The following KIF26A variants were observed in gnomAD, a reference collection of about 807,000 sequenced individuals.
KIF26A encodes kinesin-like protein KIF26A.
KIF26A carries 74 observed loss-of-function variants against 126.0 expected under a neutral mutation model. The observed-to-expected ratio is 0.59, with a 90% CI of 0.49 to 0.71. The LOEUF (loss-of-function observed/expected upper bound fraction) is 0.71, where lower values mean the gene tolerates loss of function less well. Ranked by LOEUF, KIF26A falls within the 30% of genes least tolerant of loss-of-function variation. The pLI, the probability that KIF26A is intolerant of heterozygous loss-of-function variation, is 0.00. For synonymous variants in KIF26A, 1,445 were observed against 1,232.7 expected (o/e 1.17, Z -3.61); for missense variants, 2,984 against 2,763.3 (o/e 1.08, Z -1.79).
At position 104,177,520 on chromosome 14, in the gene KIF26A, C is replaced by T. The variant is rs769814824; in HGVS notation, c.4732C>T (p.Arg1578Ter). 15 of 1,535,862 alleles carry T rather than the reference C, an allele frequency of 9.8e-6. No homozygotes were observed. Among genetic ancestry groups the T allele is most frequent in the East Asian group, 4.9e-5 (2 of 40,956 alleles). The change falls in exon 12 of 15, where the codon CGA (arginine) becomes TGA (stop). Residue 1578 changes from arginine (R) to a stop codon, truncating the protein, a stop_gained. Transcript: ENST00000423312. LOFTEE classifies it high-confidence loss of function. The stretch of plus-strand genomic sequence containing the variant: ...GCTGTCAGCCAGTGGAGCCCCGGGC[C>T]GAGGTGGCTCCTCGTGGGGCTCGGC... ...HELSASGAPG[R>*]GGSSWGSADS...
Position 104,177,289 on chromosome 14 carries a change from C to T in KIF26A, c.4501C>T (p.Arg1501Cys), listed in dbSNP as rs547130554. 4.6e-5 allele frequency: 73 copies of T among 1,582,724 alleles called. No individual in the cohort carries two copies. Among genetic ancestry groups the T allele is most frequent in the Non-Finnish European group, 5.6e-5 (65 of 1,167,812 alleles). The change falls in exon 12 of 15, where the codon CGT becomes TGT. Residue 1501 changes from arginine (R) to cysteine (C), a missense_variant. Transcript: ENST00000423312. ...GCCCCCTGTTGGTGGAGGCAAGGGC[C>T]GTGGCCTAGTGGCTGGTGGGTCGCG... ...PKPPVGGGKG[R>C]GLVAGGSRAL... is the part of the protein sequence containing the mutation.
intron 2 of KIF26A, among the ~76,000 whole-genome samples, chr14:104,143,212 T>C (rs912989665): frequency 2.6e-5 from 4 of 152,180 alleles, no homozygotes; most frequent in African/African-American, 9.7e-5. Flanking sequence ...CCAGAACCAC[T>C]GTTGGTGCCG....
rs779103667 is a variant in KIF26A at position 104,177,154 on chromosome 14, G to A, written c.4366G>A (p.Gly1456Arg). Residue 1456 changes from glycine to arginine, a missense_variant, in exon 12 of 15, where the codon GGG becomes AGG. Gly to Arg is a moderately radical substitution (Grantham distance 125, BLOSUM62 -2). Transcript: ENST00000423312. ...HSSSKGREAP[G>R]RPPRAVPKLG... ...CAGCAGCAAGGGCCGGGAAGCCCCT[G>A]GGCGGCCTCCCCGGGCTGTACCCAA... is the stretch of plus-strand genomic sequence containing the variant. 4 of 1,597,806 alleles carry A rather than the reference G, an allele frequency of 2.5e-6. No individual in the cohort carries two copies. The highest frequency in any genetic ancestry group is 1.7e-4 in the Middle Eastern group (1 of 6,046).
Position 104,152,134 on chromosome 14 carries a change from A to C in KIF26A, c.408A>C (p.Thr136=). Residue 136 remains threonine (T), a synonymous_variant, in exon 3 of 15, where the codon ACA becomes ACC. Coordinates refer to ENST00000423312, the MANE Select transcript of KIF26A (RefSeq NM_015656.2). The surrounding 1 kb of genome is among the most constrained non-coding windows in gnomAD (Gnocchi z 5.9). Reference sequence around the variant, plus strand: ...GCGCCACACACCTGCAGCAGCTCACACGGGAGGCCATGCACCTGCTGCAGG... The same window carrying C: ...GCGCCACACACCTGCAGCAGCTCACCCGGGAGGCCATGCACCTGCTGCAGG... ...DVCATHLQQL[T]REAMHLLQAP... 6.2e-7 allele frequency: 1 copy of C among 1,611,718 alleles called. No homozygotes were observed.
chr14:104,139,877 G>A (rs1330881003), intron 2 of KIF26A, among the ~76,000 whole-genome samples: 1 of 152,220 alleles, frequency 6.6e-6, no homozygotes, highest in African/African-American at 2.4e-5. Flanking sequence ...GGGGCCCTCT[G>A]GGTTCCCCAG....
chr14:104,155,706 C>T (rs897219771), intron 3 of KIF26A, among the ~76,000 whole-genome samples: 19 of 152,366 alleles, frequency 1.2e-4, no homozygotes, highest in African/African-American at 2.4e-4. Flanking sequence ...GCGCGTGGGA[C>T]GGTGGAGCCG....
chr14:104,160,612 G>T (rs574720478), intron 4 of KIF26A, among the ~76,000 whole-genome samples: 1 of 152,096 alleles, frequency 6.6e-6, no homozygotes, highest in Non-Finnish European at 1.5e-5. Flanking sequence ...CGCGTGGGCC[G>T]GGTGGCCCCG....
intron 2 of KIF26A, among the ~76,000 whole-genome samples, chr14:104,142,256 G>A (rs544962067): frequency 6.6e-6 from 1 of 152,260 alleles, no homozygotes; most frequent in African/African-American, 2.4e-5. Context: ...TGTCTTTCCT[G>A]ATCTGAGAAG....
At position 104,167,063 on chromosome 14, in the gene KIF26A, GA is replaced by G; in HGVS notation, c.1113+16del. On this transcript the variant is annotated intron_variant, in intron 5 of 14. Transcript: ENST00000423312. ...GCATCGGGAAGGTAGACGCAGCCCCGAGTTCGGGGCCCTGGGTGGGGAGGCC... is the reference window on the plus strand; with the variant it reads ...GCATCGGGAAGGTAGACGCAGCCCCGGTTCGGGGCCCTGGGTGGGGAGGCC... 6.6e-7 allele frequency: 1 copy of G among 1,515,456 alleles called. No homozygotes were observed. The highest frequency in any genetic ancestry group is 1.3e-5 in the South Asian group (1 of 79,438). The allele number at this position is 1,515,456 out of a possible 1,614,324, so 93.9% of individuals were successfully genotyped here. A position where few individuals can be genotyped will look rare whatever the true frequency, so the allele number is the denominator to read the frequency against.
rs1442874755 is a variant in KIF26A, at chr14:104,178,761, G to A, written c.5316+6G>A. ...CGAGGGAGGCCCCCACCCAGGTAGGGCCTTTGGTGGGCTGGGGTCTATGAC... is the reference window on the plus strand; with the variant it reads ...CGAGGGAGGCCCCCACCCAGGTAGGACCTTTGGTGGGCTGGGGTCTATGAC... On this transcript the variant is annotated splice_donor_region_variant and intron_variant, in intron 13 of 14. Transcript: ENST00000423312. 8 of 1,478,136 alleles carry A rather than the reference G, an allele frequency of 5.4e-6. No homozygotes were observed. Among genetic ancestry groups the A allele is most frequent in the African/African-American group, 1.4e-5 (1 of 71,068 alleles). 91.6% of individuals were successfully genotyped at this position (1,478,136 alleles called of 1,614,324 possible). A position where few individuals can be genotyped will look rare whatever the true frequency, so the allele number is the denominator to read the frequency against.
At chr14:104,179,534 C>T (rs117616919) in intron 14 of KIF26A, 75 bp from the exon 15 acceptor site, 51,068 of 1,441,460 alleles carry the variant, frequency 0.035, 1,031 homozygotes, top group Middle Eastern at 0.062. Context: ...TTTCCTGGGG[C>T]CTCTGGGGGG....
At chr14:104,178,050 A>T (rs1342143163) in intron 12 of KIF26A, among the ~76,000 whole-genome samples, 152 bp downstream of exon 12, 1 of 152,086 alleles carries the variant, frequency 6.6e-6, no homozygotes, top group East Asian at 1.9e-4. Flanking sequence ...CGGTTTACAG[A>T]CTCGCCTGGG....
Position 104,176,662 on chromosome 14 carries a change from A to G in KIF26A, c.3874A>G (p.Arg1292Gly), listed in dbSNP as rs781312133. 1 of 1,600,010 alleles carries G rather than the reference A, an allele frequency of 6.2e-7. No individual in the cohort carries two copies. The highest frequency in any genetic ancestry group is 1.7e-5 in the Admixed American group (1 of 59,524). ...RVVDGCEVAA[R>G]AARRPEAVAR... ...GGTGGACGGGTGTGAGGTGGCAGCC[A>G]GGGCGGCCCGCAGGCCAGAGGCTGT... The change falls in exon 12 of 15, where the codon AGG (arginine) becomes GGG (glycine). Residue 1292 changes from arginine to glycine, a missense_variant. Transcript: ENST00000423312.
In KIF26A at chr14:104,177,025, C is replaced by T. The variant is rs779407737; in HGVS notation, c.4237C>T (p.Pro1413Ser). 6.4e-7 allele frequency: 1 copy of T among 1,567,526 alleles called. No homozygotes were observed. The highest frequency in any genetic ancestry group is 1.8e-5 in the Admixed American group (1 of 54,920). Residue 1413 changes from proline to serine, a missense_variant, in exon 12 of 15, where the codon CCC becomes TCC. Coordinates refer to ENST00000423312, the MANE Select transcript of KIF26A (RefSeq NM_015656.2). ...RPSSRADHSVPRATSSLKARA... is the reference protein window; with the variant it reads ...RPSSRADHSVSRATSSLKARA... ...CAGCAGCCGGGCTGACCACTCTGTC[C>T]CCAGGGCCACGTCCAGCCTGAAGGC...
chr14:104,161,022 A>T (rs2039894), intron 4 of KIF26A, among the ~76,000 whole-genome samples: 1 of 152,018 alleles, frequency 6.6e-6, no homozygotes, highest in Non-Finnish European at 1.5e-5. Flanking sequence ...GCCTGCGGGG[A>T]GAGTGCGCTG....
At chr14:104,172,146 G>T (rs1460762454) in intron 6 of KIF26A, among the ~76,000 whole-genome samples, 6 of 152,234 alleles carry the variant, frequency 3.9e-5, no homozygotes, top group Non-Finnish European at 8.8e-5. Flanking sequence ...GAGGCTCTGG[G>T]CCAAGTCCAC....
At chr14:104,165,738 CAT>C (rs1256644674) in intron 4 of KIF26A, among the ~76,000 whole-genome samples, 6 of 144,938 alleles carry the variant, frequency 4.1e-5, no homozygotes, top group Non-Finnish European at 6.1e-5. Context: ...TTTCTGTATG[CAT>C]ATGTGTGTCT....
At chr14:104,139,491 G>T (rs985988947) in intron 2 of KIF26A, among the ~76,000 whole-genome samples, 1 of 152,236 alleles carries the variant, frequency 6.6e-6, no homozygotes, top group Non-Finnish European at 1.5e-5. Flanking sequence ...AGCCCGAGGG[G>T]CCCTGCTGCC....
In KIF26A at chr14:104,152,336, C is replaced by T. The variant is rs755061999; in HGVS notation, c.610C>T (p.Gln204Ter). Reference sequence around the variant, plus strand: ...GGCCTGGTCCCCCGGGCCCAGTGTCCAGGTGTCTGTAGCACCTGCGGGTCT... The same window carrying T: ...GGCCTGGTCCCCCGGGCCCAGTGTCTAGGTGTCTGTAGCACCTGCGGGTCT... Reference protein sequence around the residue: ...GLAWSPGPSVQVSVAPAGLGG... With the variant: ...GLAWSPGPSV The change falls in exon 3 of 15, where the codon CAG becomes TAG. Residue 204 changes from glutamine to a stop codon, truncating the protein, a stop_gained. Coordinates refer to ENST00000423312, the MANE Select transcript of KIF26A (RefSeq NM_015656.2). LOFTEE classifies it high-confidence loss of function. The surrounding 1 kb of genome is among the most constrained non-coding windows in gnomAD (Gnocchi z 5.9). 6.3e-7 allele frequency: 1 copy of T among 1,583,272 alleles called. No individual in the cohort carries two copies. Among genetic ancestry groups the T allele is most frequent in the Non-Finnish European group, 8.6e-7 (1 of 1,166,860 alleles).
Sources: gnomAD v4.1 joint callset for allele counts (sites outside exome capture counted in the v4.1 genomes callset) on GRCh38, gnomAD v4.1.1 for gene constraint, Gnocchi (gnomAD v3.1) non-coding constraint, MANE v1.5 for transcripts, NCBI Gene and HGNC (gene_info 2026-07-23, HGNC 2026-07-21) for gene names.